MYOF: variants seen among roughly 807,000 people sequenced by gnomAD.
MYOF encodes the protein myoferlin, also known as fer-1-like 3, myoferlin.
Under a neutral mutation model 284.2 loss-of-function variants are expected in MYOF, and 244 were observed. The ratio of observed to expected loss-of-function variants is 0.86; its 90% confidence interval spans 0.77 to 0.95. The LOEUF (loss-of-function observed/expected upper bound fraction) is 0.95, where lower values mean the gene tolerates loss of function less well. Among genes scored for constraint, MYOF ranks in the 40% least tolerant of loss-of-function variants. The pLI, the probability that MYOF is intolerant of heterozygous loss-of-function variation, is 0.00. For synonymous variants in MYOF, 904 were observed against 919.7 expected, an observed-to-expected ratio of 0.98 and a Z score of 0.31; for missense variants, 2,496 against 2,560.6, an observed-to-expected ratio of 0.97 and a Z score of 0.54.
At chr10:93,448,248 T>C (rs781125434) in intron 3 of MYOF, among the ~76,000 whole-genome samples, 1 of 150,830 alleles carries the variant, frequency 6.6e-6, no homozygotes, top group Non-Finnish European at 1.5e-5. Flanking sequence ...TTCTTCATTA[T>C]ATTAGGTTGG....
At chr10:93,423,765 G>A (rs185416265) in intron 5 of MYOF, among the ~76,000 whole-genome samples, 200 of 151,072 alleles carry the variant, frequency 1.3e-3, no homozygotes, top group African/African-American at 4.2e-3. Context: ...CCCTGGAGGC[G>A]GAGCTTGCAG....
At chr10:93,373,579 A>C (rs1845692455) in intron 23 of MYOF, among the ~76,000 whole-genome samples, 1 of 141,384 alleles carries the variant, frequency 7.1e-6, no homozygotes, top group African/African-American at 2.6e-5. Flanking sequence ...AAATGTCCCT[A>C]TTGGCACACA....
At chr10:93,464,038 T>C (rs914897937) in intron 1 of MYOF, among the ~76,000 whole-genome samples, 1 of 152,158 alleles carries the variant, frequency 6.6e-6, no homozygotes, top group Admixed American at 6.5e-5. Flanking sequence ...GTCGAGGTAT[T>C]TTGTAGATGT....
chr10:93,383,852 G>A (rs1319978873), intron 19 of MYOF, among the ~76,000 whole-genome samples: 3 of 152,176 alleles, frequency 2.0e-5, no homozygotes, highest in African/African-American at 7.2e-5. Context: ...AGGCTTGGAG[G>A]TGGGGTGGGA....
chr10:93,463,058 C>T (rs912597999), intron 1 of MYOF, among the ~76,000 whole-genome samples: 1 of 152,182 alleles, frequency 6.6e-6, no homozygotes, highest in African/African-American at 2.4e-5. Flanking sequence ...AGTCGTTCTT[C>T]AGGACATTTC....
chr10:93,435,238 A>C (rs1037367087), intron 3 of MYOF, among the ~76,000 whole-genome samples: 1 of 152,214 alleles, frequency 6.6e-6, no homozygotes, highest in Non-Finnish European at 1.5e-5. Context: ...TCATCAATAA[A>C]CAAATCTTAG....
intron 26 of MYOF, among the ~76,000 whole-genome samples, chr10:93,365,703 G>A (rs1845293818): frequency 6.6e-6 from 1 of 152,164 alleles, no homozygotes; most frequent in African/African-American, 2.4e-5. Flanking sequence ...TTGTGTTTCT[G>A]CGCATCTTGT....
At chr10:93,375,083 A>G in intron 22 of MYOF, 128 bp from the exon 23 acceptor site, 1 of 906,698 alleles carries the variant, frequency 1.1e-6, no homozygotes, top group Non-Finnish European at 1.6e-6. Flanking sequence ...AACTGAATCT[A>G]CAAGCACTGC....
In MYOF at chr10:93,379,898, C is replaced by T. The variant is rs1473853958; in HGVS notation, c.1966G>A (p.Ala656Thr). The change falls in exon 21 of 54, where the codon GCG (alanine) becomes ACG (threonine). Residue 656 changes from alanine (A) to threonine (T), a missense_variant. This residue lies in a region of MYOF where 2,436 missense variants were observed against 2,480.7 expected (regional missense o/e 0.98). Coordinates refer to ENST00000359263, the MANE Select transcript of MYOF (RefSeq NM_013451.4). ...YWEDISHRLD[A>T]VNTLLAMAER... is the part of the protein sequence containing the mutation. Reference sequence around the variant, plus strand: ...GCCATAGCTAGGAGAGTGTTCACCGCATCCAGGCGATGACTAATATCCTCC... The same window carrying T: ...GCCATAGCTAGGAGAGTGTTCACCGTATCCAGGCGATGACTAATATCCTCC... 8 of 1,614,144 alleles carry T rather than the reference C, an allele frequency of 5.0e-6. No homozygotes were observed. Among genetic ancestry groups the T allele is most frequent in the Non-Finnish European group, 6.8e-6 (8 of 1,179,986 alleles).
intron 32 of MYOF, among the ~76,000 whole-genome samples, chr10:93,353,505 A>C (rs888405988): frequency 6.6e-6 from 1 of 152,170 alleles, no homozygotes; most frequent in Admixed American, 6.5e-5. Context: ...CCAGGGATGA[A>C]AACACAGCCA....
At chr10:93,396,873 T>A (rs1028265927) in intron 15 of MYOF, among the ~76,000 whole-genome samples, 10 of 152,202 alleles carry the variant, frequency 6.6e-5, no homozygotes, top group Admixed American at 6.5e-4. Flanking sequence ...AGTTTTACCA[T>A]TTTCTTTTTA....
chr10:93,346,043 G>A (rs1844170970), intron 37 of MYOF, among the ~76,000 whole-genome samples: 1 of 152,192 alleles, frequency 6.6e-6, no homozygotes, highest in Non-Finnish European at 1.5e-5. Flanking sequence ...AAAAAAGCCA[G>A]GAAAGTGGTT....
At chr10:93,416,365 A>T (rs1234768) in intron 5 of MYOF, among the ~76,000 whole-genome samples, 143,241 of 151,502 alleles carry the variant, frequency 0.95, 68,031 homozygotes, top group East Asian at 0.99. Flanking sequence ...AATAAAATTT[A>T]AAAAAAAAAT....
chr10:93,452,153 A>C lies in MYOF; in HGVS notation c.145-12T>G, dbSNP rs1474492670. 1.9e-6 allele frequency: 3 copies of C among 1,583,156 alleles called. No individual in the cohort carries two copies. The highest frequency in any genetic ancestry group is 1.4e-5 in the African/African-American group (1 of 73,272). On this transcript the variant is annotated splice_polypyrimidine_tract_variant and intron_variant, in intron 2 of 53. Transcript: ENST00000359263. Reference sequence around the variant, plus strand: ...TCAAACTCCAAAATCTGTTCACAGAAAGGTTTTGAAAAAAGAGAAAAAAAA... The same window carrying C: ...TCAAACTCCAAAATCTGTTCACAGACAGGTTTTGAAAAAAGAGAAAAAAAA...
chr10:93,354,035 G>T, intron 31 of MYOF, 147 bp from the exon 32 acceptor site: 1 of 580,186 alleles, frequency 1.7e-6, no homozygotes, highest in Non-Finnish European at 2.9e-6. Flanking sequence ...ACATAGAATA[G>T]TGATGATGTG....
At chr10:93,470,074 C>A (rs2057104161) in intron 1 of MYOF, among the ~76,000 whole-genome samples, 1 of 151,490 alleles carries the variant, frequency 6.6e-6, no homozygotes. Context: ...GCTAAAAAAA[C>A]AAAAATTAGC....
intron 3 of MYOF, among the ~76,000 whole-genome samples, chr10:93,445,294 G>GA (rs991782819): frequency 6.6e-6 from 1 of 152,128 alleles, no homozygotes; most frequent in Admixed American, 6.5e-5. Flanking sequence ...CCTCTCTGAG[G>GA]AAAAATAGGA....
In MYOF at chr10:93,333,876, C is replaced by T; in HGVS notation, c.4601G>A (p.Ser1534Asn). 1.2e-5 allele frequency: 19 copies of T among 1,614,006 alleles called. No individual in the cohort carries two copies. The highest frequency in any genetic ancestry group is 1.6e-5 in the Non-Finnish European group (19 of 1,180,000). ...AAACTGTCTGGGAGGGGCTGGCACG[C>T]TGGGGTCATCCGGCAGAGGGTAGAT... ...FRIYPLPDDPSVPAPPRQFRE... is the reference protein window; with the variant it reads ...FRIYPLPDDPNVPAPPRQFRE... The change falls in exon 42 of 54, where the codon AGC becomes AAC. Residue 1534 changes from serine to asparagine, a missense_variant. Transcript: ENST00000359263.
intron 3 of MYOF, among the ~76,000 whole-genome samples, chr10:93,437,235 T>G (rs2134241525): frequency 6.6e-6 from 1 of 152,184 alleles, no homozygotes; most frequent in Admixed American, 6.6e-5. Flanking sequence ...GTCTTGCAAG[T>G]ATTGGTTAAG....
Sources: gnomAD v4.1 joint callset for allele counts (sites outside exome capture counted in the v4.1 genomes callset) on GRCh38, gnomAD v4.1.1 for gene constraint, gnomAD v4.1.1 regional missense constraint, MANE v1.5 for transcripts, NCBI Gene and HGNC (gene_info 2026-07-23, HGNC 2026-07-21) for gene names.